The following WASHC4 variants were observed in gnomAD, a reference collection of about 807,000 sequenced individuals.
WASHC4 encodes the protein WASH complex subunit 4.
WASHC4 carries 86 observed loss-of-function variants against 166.6 expected under a neutral mutation model. The observed-to-expected ratio is 0.52, with a 90% CI of 0.43 to 0.62. The LOEUF (loss-of-function observed/expected upper bound fraction) is 0.62. WASHC4 is among the 20% of genes least tolerant of loss of function. The probability of loss-of-function intolerance (pLI) is 0.00; values close to 1 mark genes in which losing one functional copy is unlikely to be tolerated. For missense variants in WASHC4, 1,262 were observed against 1,382.4 expected (o/e 0.91, Z 1.38); for synonymous variants, 446 against 451.6 (o/e 0.99, Z 0.16).
intron 26 of WASHC4, among the ~76,000 whole-genome samples, chr12:105,154,322 C>T (rs1320623299): frequency 6.6e-6 from 1 of 152,184 alleles, no homozygotes; most frequent in African/African-American, 2.4e-5. Flanking sequence ...AGCCACTGCG[C>T]CCGGCCAATA....
intron 20 of WASHC4, 48 bp from the exon 21 acceptor site, chr12:105,144,239 T>C (rs181715323): frequency 2.0e-5 from 30 of 1,473,542 alleles, no homozygotes; most frequent in Middle Eastern, 3.5e-4. Flanking sequence ...AACAATACAA[T>C]TGCAATATCA....
Position 105,142,529 on chromosome 12 carries a change from G to A in WASHC4, c.1864G>A (p.Glu622Lys). 1 of 1,600,938 alleles carries A rather than the reference G, an allele frequency of 6.2e-7. No individual in the cohort carries two copies. The highest frequency in any genetic ancestry group is 8.6e-7 in the Non-Finnish European group (1 of 1,169,248). The change falls in exon 19 of 33, where the codon GAA becomes AAA. Residue 622 changes from glutamate to lysine, a missense_variant. By Grantham distance (56) the Glu-to-Lys change is moderately conservative. Transcript: ENST00000332180. ...VFPIYLDDVY[E>K]NAVDAARLHY... Reference sequence around the variant, plus strand: ...CCCAATTTATTTAGATGATGTATATGAAAATGCTGTTGATGCAGCCAGATT... The same window carrying A: ...CCCAATTTATTTAGATGATGTATATAAAAATGCTGTTGATGCAGCCAGATT...
intron 10 of WASHC4, among the ~76,000 whole-genome samples, chr12:105,125,498 A>G (rs943334175): frequency 3.3e-5 from 5 of 152,174 alleles, no homozygotes; most frequent in African/African-American, 1.2e-4. Context: ...TTTTGACTGC[A>G]CGAGGGTCAG....
intron 13 of WASHC4, among the ~76,000 whole-genome samples, chr12:105,132,130 C>G (rs910848684): frequency 2.0e-5 from 3 of 152,170 alleles, no homozygotes; most frequent in African/African-American, 7.2e-5. Flanking sequence ...GGTCCGATTC[C>G]ATAAAGGAGA....
At position 105,147,965 on chromosome 12, in the gene WASHC4, C is replaced by T. The variant is rs190515118; in HGVS notation, c.2514+819C>T. On this transcript the variant is annotated intron_variant, in intron 24 of 32. Coordinates refer to ENST00000332180, the MANE Select transcript of WASHC4 (RefSeq NM_015275.3). ...TTCACTTGAAGGAATTATTTGAACT[C>T]GTATGCTATTTTTCTGTCTGTGGAA... The T allele has an allele frequency of 3.4e-5, 33 of 984,698 alleles. No individual in the cohort carries two copies. The African/African-American group carries it at 4.7e-4, about 14-fold the overall frequency. The allele number at this position is 984,698 out of a possible 1,614,324, so 61.0% of individuals were successfully genotyped here. A position where few individuals can be genotyped will look rare whatever the true frequency, so the allele number is the denominator to read the frequency against.
rs895458838 is a variant in WASHC4, at chr12:105,144,344, A to G, written c.2068A>G (p.Thr690Ala). Residue 690 changes from threonine (T) to alanine (A), a missense_variant, in exon 21 of 33, where the codon ACT becomes GCT. By Grantham distance (58) the Thr-to-Ala change is moderately conservative. Coordinates refer to ENST00000332180, the MANE Select transcript of WASHC4 (RefSeq NM_015275.3). ...IEKDLRLSVHTHLKLDDRNPF... is the reference protein window; with the variant it reads ...IEKDLRLSVHAHLKLDDRNPF... ...GAAAGATCTGCGACTTTCTGTGCAT[A>G]CTCATTTAAAGCTGGATGACCGAAA... 2 of 1,613,374 alleles carry G rather than the reference A, an allele frequency of 1.2e-6. No homozygotes were observed. Among genetic ancestry groups the G allele is most frequent in the South Asian group, 1.1e-5 (1 of 91,048 alleles).
intron 24 of WASHC4, 91 bp downstream of exon 24, chr12:105,147,237 C>A: frequency 1.3e-6 from 1 of 788,700 alleles, no homozygotes; most frequent in Non-Finnish European, 2.3e-6. Context: ...GGTAAACATA[C>A]ACTACTAGTT....
chr12:105,107,932 C>A (rs1879233748), intron 1 of WASHC4, 71 bp downstream of exon 1: 4 of 1,194,896 alleles, frequency 3.3e-6, no homozygotes, highest in Admixed American at 2.0e-5. Context: ...GGCTGGGCAG[C>A]GCTCCTGCGA....
At position 105,146,516 on chromosome 12, in the gene WASHC4, TCAA is replaced by T; in HGVS notation, c.2403_2405del (p.Asn802del). On this transcript the variant is annotated inframe_deletion, in exon 23 of 33. Coordinates refer to ENST00000332180, the MANE Select transcript of WASHC4 (RefSeq NM_015275.3). ...TTTGTGTCCCGATACCTCTATAATC[TCAA>T]CAATCAGGTGAGTAGGGTTTATAAA... 1 of 1,594,752 alleles carries T rather than the reference TCAA, an allele frequency of 6.3e-7. No homozygotes were observed. Among genetic ancestry groups the T allele is most frequent in the Non-Finnish European group, 8.6e-7 (1 of 1,163,470 alleles).
Position 105,144,977 on chromosome 12 carries a change from T to G in WASHC4, c.2334+105T>G, listed in dbSNP as rs987892849. 167 of 1,130,302 alleles carry G rather than the reference T, an allele frequency of 1.5e-4. 3 individuals carry two copies. The Admixed American group carries it at 3.5e-3, about 24-fold the overall frequency. The allele number at this position is 1,130,302 out of a possible 1,614,324, so 70.0% of individuals were successfully genotyped here. Reference sequence around the variant, plus strand: ...TGCTTTAGTTAGTATGTGCTTATTTTTTAAGAAATTATTTGCCATATAAAA... The same window carrying G: ...TGCTTTAGTTAGTATGTGCTTATTTGTTAAGAAATTATTTGCCATATAAAA... On this transcript the variant is annotated intron_variant, in intron 22 of 32. Transcript: ENST00000332180.
intron 7 of WASHC4, among the ~76,000 whole-genome samples, 156 bp downstream of exon 7, chr12:105,118,684 G>A (rs1880423203): frequency 6.6e-6 from 1 of 152,232 alleles, no homozygotes; most frequent in African/African-American, 2.4e-5. Context: ...ACGTAGGTTA[G>A]TAAGATGCAG....
At chr12:105,128,773 G>GT (rs56089634) in intron 13 of WASHC4, among the ~76,000 whole-genome samples, 134 of 147,948 alleles carry the variant, frequency 9.1e-4, no homozygotes, top group South Asian at 2.1e-3. Flanking sequence ...ATTCCGTTTT[G>GT]TTTTTTTTTT....
intron 6 of WASHC4, 87 bp downstream of exon 6, chr12:105,115,815 A>G: frequency 1.2e-6 from 1 of 824,180 alleles, no homozygotes; most frequent in Admixed American, 1.7e-5. Flanking sequence ...AAACCTTCAA[A>G]TACTAAAGAT....
chr12:105,143,049 A>G lies in WASHC4; in HGVS notation c.1894-78A>G, dbSNP rs1056923592. On this transcript the variant is annotated intron_variant, in intron 19 of 32. Coordinates refer to ENST00000332180, the MANE Select transcript of WASHC4 (RefSeq NM_015275.3). ...TCAGATCGAGGTTTTGTCTTTCAAG[A>G]TAATTAACTTTTGCAGTATTGTTTA... The G allele has an allele frequency of 4.6e-6, 4 of 866,034 alleles. No individual in the cohort carries two copies. In the Admixed American group the frequency reaches 7.6e-5, roughly 16 times the overall value. The allele number at this position is 866,034 out of a possible 1,614,324, so 53.6% of individuals were successfully genotyped here.
intron 10 of WASHC4, among the ~76,000 whole-genome samples, chr12:105,124,095 A>G (rs916363408): frequency 6.6e-6 from 1 of 151,652 alleles, no homozygotes; most frequent in Non-Finnish European, 1.5e-5. Context: ...TACTTAATAT[A>G]CTATAGTATA....
intron 24 of WASHC4, chr12:105,148,737 A>T: frequency 2.0e-6 from 2 of 985,442 alleles, no homozygotes; most frequent in Non-Finnish European, 2.4e-6. Context: ...CAAATTTGTC[A>T]AAATCATTAG....
In WASHC4 at chr12:105,115,181, C is replaced by T. The variant is rs1592843065; in HGVS notation, c.322-3C>T. On this transcript the variant is annotated splice_polypyrimidine_tract_variant and splice_region_variant and intron_variant, in intron 4 of 32. Transcript: ENST00000332180. ...ATTATTTTAATTTTTTTCTTAAAAACAGGCTGAAACTAAATTTTACAATGG... is the reference window on the plus strand; with the variant it reads ...ATTATTTTAATTTTTTTCTTAAAAATAGGCTGAAACTAAATTTTACAATGG... The T allele has an allele frequency of 6.6e-7, 1 of 1,503,912 alleles. No individual in the cohort carries two copies. Among genetic ancestry groups the T allele is most frequent in the East Asian group, 2.3e-5 (1 of 44,128 alleles). 93.2% of individuals were successfully genotyped at this position (1,503,912 alleles called of 1,614,324 possible).
At chr12:105,115,277 A>C in intron 5 of WASHC4, 48 bp downstream of exon 5, 1 of 1,131,784 alleles carries the variant, frequency 8.8e-7, no homozygotes, top group Non-Finnish European at 1.3e-6. Context: ...ATTGAAATGA[A>C]CAAAAAGTTA....
intron 29 of WASHC4, among the ~76,000 whole-genome samples, chr12:105,160,871 C>T (rs893165785): frequency 6.6e-6 from 1 of 152,142 alleles, no homozygotes; most frequent in African/African-American, 2.4e-5. Flanking sequence ...GTAGTAAATA[C>T]TAACATCTGG....
Sources: allele counts gnomAD v4.1 joint callset (sites outside exome capture counted in the v4.1 genomes callset), GRCh38; gene constraint gnomAD v4.1.1; transcripts MANE v1.5; gene names NCBI Gene and HGNC (gene_info 2026-07-23, HGNC 2026-07-21).